Variants in HLTF observed in about 807,000 individuals in gnomAD.
HLTF encodes the protein DNA-dependent ATPase/E3 ubiquitin-protein ligase HLTF.
HLTF carries 127 observed loss-of-function variants against 129.4 expected under a neutral mutation model. The observed-to-expected ratio is 0.98, with a 90% CI of 0.85 to 1.14. The LOEUF (loss-of-function observed/expected upper bound fraction) is 1.14, where lower values mean the gene tolerates loss of function less well. HLTF is among the 50% of genes most tolerant of loss of function. HLTF has a pLI of 0.00. For synonymous variants in HLTF, 332 were observed against 388.8 expected, an observed-to-expected ratio of 0.85 and a Z score of 1.72; for missense variants, 1,139 against 1,187.1, an observed-to-expected ratio of 0.96 and a Z score of 0.60.
At position 149,082,665 on chromosome 3, in the gene HLTF, C is replaced by A. The variant is rs370864114; in HGVS notation, c.228+2017G>T. On this transcript the variant is annotated intron_variant, in intron 2 of 24. Transcript: ENST00000310053. ...TATGTACATTTTATCATACGTAAAC[C>A]ACATCTCAATAAAGTAGAAAAAAAA... 2.2e-4 allele frequency among the ~76,000 whole-genome samples: 34 copies of A among 152,002 alleles called. No individual in the cohort carries two copies. In the South Asian group the frequency reaches 6.6e-3, roughly 30 times the overall value.
At chr3:149,041,911 CA>C (rs1216632694) in intron 19 of HLTF, 5 of 573,712 alleles carry the variant, frequency 8.7e-6, no homozygotes, top group East Asian at 2.8e-5. Context: ...TACCACCACA[CA>C]ATAAAAGGCA....
At chr3:149,082,365 A>T (rs1465368866) in intron 2 of HLTF, among the ~76,000 whole-genome samples, 3 of 152,218 alleles carry the variant, frequency 2.0e-5, no homozygotes, top group Non-Finnish European at 2.9e-5. Flanking sequence ...AGGCTGAGGC[A>T]GGAGAATGGC....
At chr3:149,044,288 CTT>C (rs573751566) in intron 18 of HLTF, among the ~76,000 whole-genome samples, 8 of 152,210 alleles carry the variant, frequency 5.3e-5, no homozygotes, top group African/African-American at 1.7e-4. Flanking sequence ...TTAAAAATAA[CTT>C]ATTTTCTGAG....
chr3:149,080,541 T>C (rs1719782454), intron 2 of HLTF, among the ~76,000 whole-genome samples: 1 of 152,116 alleles, frequency 6.6e-6, no homozygotes, highest in African/African-American at 2.4e-5. Context: ...CCTCTGCCAC[T>C]GCCTACAGGA....
chr3:149,080,805 G>GA (rs141584615), intron 2 of HLTF, among the ~76,000 whole-genome samples: 2,095 of 151,940 alleles, frequency 0.014, 48 homozygotes, highest in African/African-American at 0.048. Flanking sequence ...CCAGCAGCAA[G>GA]AAAAAACAGG....
intron 22 of HLTF, 27 bp downstream of exon 22, chr3:149,039,554 G>T: frequency 1.8e-6 from 2 of 1,087,044 alleles, no homozygotes; most frequent in Non-Finnish European, 2.7e-6. Context: ...TCCTTTTACT[G>T]AAAGTGAAAA....
intron 13 of HLTF, among the ~76,000 whole-genome samples, chr3:149,055,980 A>G (rs1717397413): frequency 6.6e-6 from 1 of 152,234 alleles, no homozygotes; most frequent in South Asian, 2.1e-4. Context: ...CACTCAGGCA[A>G]CTTATGGAAG....
rs540457887 is a variant in HLTF at position 149,042,014 on chromosome 3, T to C, written c.2197+152A>G. Reference sequence around the variant, plus strand: ...TTCCATTTCATTGGTAAAAAAATTATTGGATGTATTCCTAGCTGAGTCTCA... The same window carrying C: ...TTCCATTTCATTGGTAAAAAAATTACTGGATGTATTCCTAGCTGAGTCTCA... On this transcript the variant is annotated intron_variant, in intron 19 of 24. Coordinates refer to ENST00000310053, the MANE Select transcript of HLTF (RefSeq NM_003071.4). 6 of 655,366 alleles carry C rather than the reference T, an allele frequency of 9.2e-6. No homozygotes were observed. In the Admixed American group the frequency reaches 1.4e-4, roughly 16 times the overall value. The allele number at this position is 655,366 out of a possible 1,614,324, so 40.6% of individuals were successfully genotyped here.
chr3:149,039,811 A>T, intron 21 of HLTF, 118 bp from the exon 22 acceptor site: 2 of 672,528 alleles, frequency 3.0e-6, no homozygotes, highest in Non-Finnish European at 4.8e-6. Context: ...GCAAAAGACT[A>T]CTCATTTAAA....
chr3:149,048,306 T>G, intron 16 of HLTF, 143 bp from the exon 17 acceptor site: 1 of 528,670 alleles, frequency 1.9e-6, no homozygotes, highest in Non-Finnish European at 3.2e-6. Flanking sequence ...AACTATCAAG[T>G]GTTGACTATA....
intron 11 of HLTF, 33 bp downstream of exon 11, chr3:149,060,746 A>C: frequency 6.2e-7 from 1 of 1,602,574 alleles, no homozygotes; most frequent in Non-Finnish European, 8.5e-7. Flanking sequence ...AGAATATAGG[A>C]CACATTATCA....
chr3:149,051,061 A>G (rs540723996), intron 14 of HLTF, among the ~76,000 whole-genome samples: 5 of 152,258 alleles, frequency 3.3e-5, no homozygotes, highest in African/African-American at 1.2e-4. Context: ...CTAAACCAGC[A>G]AGGTAGAAGT....
In HLTF at chr3:149,085,697, A is replaced by G. The variant is rs566483828; in HGVS notation, c.20+620T>C. Among the ~76,000 whole-genome samples the G allele has an allele frequency of 4.6e-5, 7 of 152,308 alleles. No homozygotes were observed. The South Asian group carries it at 1.5e-3, about 32-fold the overall frequency. ...ACGCCACCGTGGGAAATTGGCCCCA[A>G]GCCACCCGTACCCGCCTTCCGTCGC... On this transcript the variant is annotated intron_variant, in intron 1 of 24. Transcript: ENST00000310053.
At chr3:149,065,170 A>G (rs1718256907) in intron 8 of HLTF, among the ~76,000 whole-genome samples, 2 of 152,228 alleles carry the variant, frequency 1.3e-5, no homozygotes, top group South Asian at 2.1e-4. Context: ...GAAAAATTCA[A>G]GAACTGGGAT....
In HLTF at chr3:149,086,494, T is replaced by G. The variant is rs1720444016; in HGVS notation, c.-158A>C. On this transcript the variant is annotated 5_prime_UTR_variant, in exon 1 of 25. Transcript: ENST00000310053. ...CGACTGAAAGGTAAGTCGCCGCGAG[T>G]CCAGTCAGACGTCGACGCCGTCTCC... 1.3e-6 allele frequency: 1 copy of G among 746,214 alleles called. No individual in the cohort carries two copies. The highest frequency in any genetic ancestry group is 2.2e-6 in the Non-Finnish European group (1 of 452,240). 46.2% of individuals were successfully genotyped at this position (746,214 alleles called of 1,614,324 possible). A position where few individuals can be genotyped will look rare whatever the true frequency, so the allele number is the denominator to read the frequency against.
At chr3:149,039,955 GATTTTGATATACTGTGTAT>G (rs889527320) in intron 21 of HLTF, 57 bp downstream of exon 21, 1 of 1,287,220 alleles carries the variant, frequency 7.8e-7, no homozygotes, top group Non-Finnish European at 1.1e-6. Context: ...GCAGAATTAC[GATTTTGATATACTGTGTAT>G]ATTTCCTTAT....
rs1286188457 is a variant in HLTF at position 149,073,278 on chromosome 3, C to T, written c.574G>A (p.Gly192Arg). 1 of 1,613,286 alleles carries T rather than the reference C, an allele frequency of 6.2e-7. No homozygotes were observed. Among genetic ancestry groups the T allele is most frequent in the Admixed American group, 1.7e-5 (1 of 59,952 alleles). ...TGCACTGGCATACTATAGCTTGGTC[C>T]AGCTCTTCCAGAGCCCCAACCACTT... ...LESGWGSGRA[G>R]PSYSMPVHAA... Residue 192 changes from glycine (G) to arginine (R), a missense_variant, in exon 5 of 25, where the codon GGA becomes AGA. Gly to Arg is a moderately radical substitution (Grantham distance 125). Coordinates refer to ENST00000310053, the MANE Select transcript of HLTF (RefSeq NM_003071.4).
chr3:149,067,171 T>C (rs1197678486), intron 8 of HLTF, among the ~76,000 whole-genome samples: 2 of 151,230 alleles, frequency 1.3e-5, no homozygotes, highest in African/African-American at 2.4e-5. Context: ...GTTTATATTA[T>C]ATACATATAT....
At chr3:149,052,496 T>C (rs1717079940) in intron 14 of HLTF, among the ~76,000 whole-genome samples, 1 of 152,082 alleles carries the variant, frequency 6.6e-6, no homozygotes, top group Admixed American at 6.5e-5. Context: ...GCTTACAAAA[T>C]AAGACATAAC....
Sources: allele counts gnomAD v4.1 joint callset (sites outside exome capture counted in the v4.1 genomes callset), GRCh38; gene constraint gnomAD v4.1.1; transcripts MANE v1.5; gene names NCBI Gene and HGNC (gene_info 2026-07-23, HGNC 2026-07-21).